ADGRB3: variants seen among roughly 807,000 people sequenced by gnomAD.
The protein encoded by ADGRB3 is adhesion G protein-coupled receptor B3, also known as brain-specific angiogenesis inhibitor 3.
ADGRB3 carries 37 observed loss-of-function variants against 193.4 expected under a neutral mutation model. The observed-to-expected ratio is 0.19, with a 90% CI of 0.15 to 0.25. The LOEUF is 0.25. ADGRB3 is among the 10% of genes least tolerant of loss of function. The pLI, the probability that ADGRB3 is intolerant of heterozygous loss-of-function variation, is 1.00. For missense variants in ADGRB3, 1,637 were observed against 1,852.9 expected (o/e 0.88, Z 2.14); for synonymous variants, 690 against 644.2 (o/e 1.07, Z -1.08).
chr6:69,131,107 C>A (rs947068489), intron 17 of ADGRB3, among the ~76,000 whole-genome samples: 1 of 151,764 alleles, frequency 6.6e-6, no homozygotes, highest in Non-Finnish European at 1.5e-5. Context: ...GTATTAAAAT[C>A]TAGTATAAGT....
At chr6:69,078,868 G>C (rs77263709) in intron 17 of ADGRB3, among the ~76,000 whole-genome samples, 6 of 152,152 alleles carry the variant, frequency 3.9e-5, no homozygotes, top group East Asian at 1.9e-4. Flanking sequence ...TCACTGCACT[G>C]TTGGTGCCTA....
chr6:69,236,107 T>C (rs1766260845), intron 19 of ADGRB3, among the ~76,000 whole-genome samples: 1 of 151,980 alleles, frequency 6.6e-6, no homozygotes, highest in South Asian at 2.1e-4. Flanking sequence ...AGTTGAAAAA[T>C]GAATTACAAT....
chr6:69,058,106 C>T (rs1219931794), intron 15 of ADGRB3, among the ~76,000 whole-genome samples: 1 of 151,774 alleles, frequency 6.6e-6, no homozygotes. Context: ...TTGATTCAAT[C>T]GCTTTACTAG....
chr6:69,261,251 G>T (rs1766921147), intron 20 of ADGRB3, among the ~76,000 whole-genome samples: 1 of 152,222 alleles, frequency 6.6e-6, no homozygotes, highest in Middle Eastern at 3.4e-3. Flanking sequence ...GTAAGAAAAA[G>T]GTCTCAAGCT....
chr6:69,111,156 C>T (rs1048533330), intron 17 of ADGRB3, among the ~76,000 whole-genome samples: 7 of 152,110 alleles, frequency 4.6e-5, no homozygotes, highest in African/African-American at 1.2e-4. Context: ...AATTGATATA[C>T]GTGAAATAGA....
rs557710716 is a variant in ADGRB3 at position 69,188,079 on chromosome 6, A to G, written c.2481-45211A>G. Among the ~76,000 whole-genome samples the G allele has an allele frequency of 4.6e-5, 7 of 152,290 alleles. No individual in the cohort carries two copies. The South Asian group carries it at 8.3e-4, about 18-fold the overall frequency. ...CATCTTAAACTTTTCTTAAATTTCT[A>G]TTCTCAGATAACTGTTAGGTGATTA... On this transcript the variant is annotated intron_variant, in intron 17 of 31. Coordinates refer to ENST00000370598, the MANE Select transcript of ADGRB3 (RefSeq NM_001704.3).
At chr6:68,807,686 T>C (rs1767433614) in intron 3 of ADGRB3, among the ~76,000 whole-genome samples, 1 of 152,146 alleles carries the variant, frequency 6.6e-6, no homozygotes, top group Non-Finnish European at 1.5e-5. Context: ...ACAGATATAC[T>C]TATTTCAAAT....
chr6:68,677,371 C>T (rs1017708390), intron 3 of ADGRB3, among the ~76,000 whole-genome samples: 4 of 152,110 alleles, frequency 2.6e-5, no homozygotes, highest in Non-Finnish European at 2.9e-5. Context: ...CTTCTTGTCA[C>T]TGCAGACTAG....
At chr6:68,942,060 A>G (rs1451412368) in intron 5 of ADGRB3, among the ~76,000 whole-genome samples, 2 of 151,832 alleles carry the variant, frequency 1.3e-5, no homozygotes, top group Non-Finnish European at 1.5e-5. Flanking sequence ...TTTCCCAACA[A>G]GGTTCTCAGA....
intron 17 of ADGRB3, among the ~76,000 whole-genome samples, chr6:69,160,818 G>A (rs1774965212): frequency 1.3e-5 from 2 of 152,092 alleles, no homozygotes; most frequent in East Asian, 1.9e-4. Flanking sequence ...GTAAAGAATA[G>A]TTTTATATAG....
At chr6:68,803,971 C>T (rs1294635008) in intron 3 of ADGRB3, among the ~76,000 whole-genome samples, 4 of 152,158 alleles carry the variant, frequency 2.6e-5, no homozygotes, top group Admixed American at 2.6e-4. Context: ...AAATATTGCT[C>T]ACACTTGATT....
chr6:69,217,605 G>T (rs751554514), intron 17 of ADGRB3, among the ~76,000 whole-genome samples: 2 of 152,118 alleles, frequency 1.3e-5, no homozygotes, highest in Non-Finnish European at 2.9e-5. Flanking sequence ...GCAGGGTGTC[G>T]CCCAGCCCCA....
chr6:68,777,650 A>G (rs940153596), intron 3 of ADGRB3, among the ~76,000 whole-genome samples: 1 of 142,686 alleles, frequency 7.0e-6, no homozygotes, highest in African/African-American at 2.6e-5. Context: ...GAAGCAATCA[A>G]TTGATCTCTC....
chr6:68,769,020 A>G (rs1288544186), intron 3 of ADGRB3, among the ~76,000 whole-genome samples: 1 of 152,220 alleles, frequency 6.6e-6, no homozygotes, highest in Non-Finnish European at 1.5e-5. Flanking sequence ...AATGGTGATC[A>G]TTAAAAAGTC....
intron 1 of ADGRB3, among the ~76,000 whole-genome samples, chr6:68,636,693 A>C (rs1428711206): frequency 6.6e-6 from 1 of 152,216 alleles, no homozygotes. Context: ...CAGGCATTAA[A>C]GTGAATTCAG....
At chr6:69,237,178 A>G (rs529148919) in intron 19 of ADGRB3, among the ~76,000 whole-genome samples, 5 of 152,018 alleles carry the variant, frequency 3.3e-5, no homozygotes, top group African/African-American at 4.8e-5. Flanking sequence ...TTATACATGT[A>G]GGGTATATAT....
intron 17 of ADGRB3, among the ~76,000 whole-genome samples, chr6:69,137,616 A>T (rs1035141925): frequency 6.6e-6 from 1 of 151,918 alleles, no homozygotes; most frequent in Non-Finnish European, 1.5e-5. Flanking sequence ...GGCCAATATG[A>T]TGAAACCCCA....
chr6:69,224,907 C>T (rs1336145062), intron 17 of ADGRB3, among the ~76,000 whole-genome samples: 1 of 152,106 alleles, frequency 6.6e-6, no homozygotes, highest in African/African-American at 2.4e-5. Flanking sequence ...TTTCCCCTTG[C>T]AATTTCAATA....
intron 10 of ADGRB3, among the ~76,000 whole-genome samples, chr6:68,980,025 G>A (rs150427232): frequency 6.6e-6 from 1 of 151,526 alleles, no homozygotes; most frequent in African/African-American, 2.4e-5. Context: ...TATTGGACAG[G>A]TATATCACTC....
Sources: allele counts gnomAD v4.1 joint callset (sites outside exome capture counted in the v4.1 genomes callset), GRCh38; gene constraint gnomAD v4.1.1; transcripts MANE v1.5; gene names NCBI Gene and HGNC (gene_info 2026-07-23, HGNC 2026-07-21).